Variants in LPIN1 observed in about 807,000 individuals in gnomAD.
LPIN1 encodes lipin 1, also known as phosphatidate phosphatase LPIN1.
A neutral mutation model predicts 107.5 loss-of-function variants in LPIN1; 71 were observed. The ratio of observed to expected loss-of-function variants is 0.66; its 90% CI spans 0.55 to 0.80. LPIN1 has a LOEUF of 0.80. LPIN1 is among the 30% of genes least tolerant of loss of function. The probability of loss-of-function intolerance (pLI) is 0.00; values close to 1 mark genes in which losing one functional copy is unlikely to be tolerated. For synonymous variants in LPIN1, 445 were observed against 452.6 expected (o/e 0.98, Z 0.21); for missense variants, 1,043 against 1,160.6 (o/e 0.90, Z 1.47).
chr2:11,771,458 G>C lies in LPIN1; in HGVS notation c.375G>C (p.Val125=). The change falls in exon 4 of 21, where the codon GTG becomes GTC. Residue 125 remains valine (V), a synonymous_variant. Transcript: ENST00000674199. The surrounding 1 kb of genome is among the most constrained non-coding windows in gnomAD (Gnocchi z 4.8). The stretch of plus-strand genomic sequence containing the variant: ...AATGCCAGCTGAAAAGGGGCTCTGT[G>C]GACAGGATGAGAGGCCTGGACCCCA... ...RMECQLKRGS[V]DRMRGLDPST... is the part of the protein sequence containing the mutation. The C allele has an allele frequency of 6.2e-7, 1 of 1,614,244 alleles. No individual in the cohort carries two copies. Among genetic ancestry groups the C allele is most frequent in the Non-Finnish European group, 8.5e-7 (1 of 1,180,042 alleles).
At chr2:11,800,779 C>G (rs1227027026) in intron 14 of LPIN1, among the ~76,000 whole-genome samples, 1 of 152,116 alleles carries the variant, frequency 6.6e-6, no homozygotes, top group African/African-American at 2.4e-5. Context: ...TAAAGACAAT[C>G]CTGGTACTTC....
At chr2:11,702,414 T>G (rs1381690407) in intron 1 of LPIN1, among the ~76,000 whole-genome samples, 1 of 152,150 alleles carries the variant, frequency 6.6e-6, no homozygotes, top group African/African-American at 2.4e-5. Context: ...GTCTGGGCTC[T>G]GGACTGGTTG....
intron 1 of LPIN1, among the ~76,000 whole-genome samples, chr2:11,700,150 C>G (rs1364371853): frequency 6.6e-6 from 1 of 152,170 alleles, no homozygotes; most frequent in South Asian, 2.1e-4. Flanking sequence ...TAGCCATCCA[C>G]GTGTCAGGTG....
At chr2:11,777,763 T>C (rs1005607266) in intron 6 of LPIN1, among the ~76,000 whole-genome samples, 2 of 152,222 alleles carry the variant, frequency 1.3e-5, no homozygotes, top group Admixed American at 6.5e-5. Flanking sequence ...CTTTATTTCA[T>C]TTAGTGACAG....
At position 11,707,763 on chromosome 2, in the gene LPIN1, T is replaced by C. The variant is rs547827246; in HGVS notation, c.82-5993T>C. Among the ~76,000 whole-genome samples the C allele has an allele frequency of 1.6e-4, 25 of 152,284 alleles. No homozygotes were observed. In the South Asian group the frequency reaches 5.2e-3, roughly 32 times the overall value. ...GCTGGGGCCTGTCCCAACCAAGCGC[T>C]GCTGCTTCTGTGAGCACCACAGGTG... On this transcript the variant is annotated intron_variant, in intron 1 of 21. Coordinates refer to the LPIN1 transcript ENST00000449576. The surrounding 1 kb of genome is among the most constrained non-coding windows in gnomAD (Gnocchi z 4.2).
chr2:11,761,993 A>G (rs1669910266), intron 1 of LPIN1, among the ~76,000 whole-genome samples: 2 of 152,036 alleles, frequency 1.3e-5, no homozygotes, highest in Admixed American at 1.3e-4. Context: ...ATCAGATTCC[A>G]CAGGTTAAGG....
chr2:11,782,215 C>G lies in LPIN1; in HGVS notation c.972C>G (p.His324Gln). ...CTTTGCTCTAGTCTTCTTCTCCACACAAGATGAAAGAGTCCAGCCCATTGA... is the reference window on the plus strand; with the variant it reads ...CTTTGCTCTAGTCTTCTTCTCCACAGAAGATGAAAGAGTCCAGCCCATTGA... ...LPQAAKSSSP[H>Q]KMKESSPLSS... The change falls in exon 8 of 21, where the codon CAC (histidine) becomes CAG (glutamine). Residue 324 changes from histidine (H) to glutamine (Q), a missense_variant. Coordinates refer to ENST00000674199, the MANE Select transcript of LPIN1 (RefSeq NM_001349206.2). The G allele has an allele frequency of 6.2e-7, 1 of 1,613,794 alleles. No individual in the cohort carries two copies. The highest frequency in any genetic ancestry group is 1.3e-5 in the African/African-American group (1 of 75,020).
At chr2:11,824,555 C>G in intron 20 of LPIN1, 77 bp from the exon 21 acceptor site, 1 of 1,491,734 alleles carries the variant, frequency 6.7e-7, no homozygotes, top group Non-Finnish European at 9.4e-7. Flanking sequence ...TTGTAGATCT[C>G]TCTTGACTTC....
At chr2:11,760,651 G>C (rs951792757) in intron 1 of LPIN1, among the ~76,000 whole-genome samples, 4 of 152,110 alleles carry the variant, frequency 2.6e-5, no homozygotes, top group African/African-American at 4.8e-5. Flanking sequence ...GCTTCGGCTC[G>C]GCATCAGAGG....
chr2:11,773,137 T>G (rs1158553604), intron 4 of LPIN1, among the ~76,000 whole-genome samples: 1 of 152,246 alleles, frequency 6.6e-6, no homozygotes, highest in East Asian at 1.9e-4. Flanking sequence ...TTTGCAGTTA[T>G]TCTGTAATCG....
rs4640359 is a variant in LPIN1, at chr2:11,713,838, G to A, written c.138+26G>A. On this transcript the variant is annotated intron_variant, in intron 2 of 21. Transcript: ENST00000449576. ...GTGAGTGCCGCTGTGATAGAATGTC[G>A]TTGTTATGCTTTTACATTTTAAGAT... The A allele has an allele frequency of 0.21, 299,425 of 1,434,026 alleles. 32,933 individuals are homozygous for A. Among genetic ancestry groups the A allele is most frequent in the Admixed American group, 0.26 (12,940 of 49,424 alleles). The allele number at this position is 1,434,026 out of a possible 1,614,324, so 88.8% of individuals were successfully genotyped here.
chr2:11,752,621 C>T (rs1351233903), intron 1 of LPIN1, among the ~76,000 whole-genome samples: 2 of 150,410 alleles, frequency 1.3e-5, no homozygotes, highest in Non-Finnish European at 2.9e-5. Flanking sequence ...TTAGTAGAGA[C>T]GGGGTTTCAC....
intron 1 of LPIN1, among the ~76,000 whole-genome samples, chr2:11,738,687 CCAAA>C (rs1666037780): frequency 6.6e-6 from 1 of 152,118 alleles, no homozygotes; most frequent in South Asian, 2.1e-4. Context: ...GAGAGGGAGC[CCAAA>C]CAGAGCCTGA....
intron 1 of LPIN1, among the ~76,000 whole-genome samples, chr2:11,763,987 G>GTGTGTATATA (rs1359205019): frequency 7.5e-6 from 1 of 132,926 alleles, no homozygotes; most frequent in African/African-American, 3.1e-5. Flanking sequence ...GTGTGTGTGT[G>GTGTGTATATA]TATATATATA....
chr2:11,732,046 G>A (rs1665290210), intron 1 of LPIN1, among the ~76,000 whole-genome samples: 2 of 152,130 alleles, frequency 1.3e-5, no homozygotes, highest in Non-Finnish European at 2.9e-5. Flanking sequence ...TCTGATGTTA[G>A]TTTCTTTTGC....
chr2:11,774,009 A>T lies in LPIN1; in HGVS notation c.722+264A>T, dbSNP rs1672284809. 6.6e-6 allele frequency among the ~76,000 whole-genome samples: 1 copy of T among 152,226 alleles called. No homozygotes were observed. Among genetic ancestry groups the T allele is most frequent in the Non-Finnish European group, 1.5e-5 (1 of 68,042 alleles). ...TTGAAAGGAAAAACATGTAAATTAC[A>T]TCATGCTAATTGTTAATAGGAGAAA... is the stretch of plus-strand genomic sequence containing the variant. On this transcript the variant is annotated intron_variant, in intron 5 of 20. Coordinates refer to ENST00000674199, the MANE Select transcript of LPIN1 (RefSeq NM_001349206.2). This position sits in a 1 kb window ranked among gnomAD's most constrained non-coding sequence, Gnocchi z 4.4.
chr2:11,783,389 G>A (rs1287672880), intron 8 of LPIN1, among the ~76,000 whole-genome samples: 2 of 152,198 alleles, frequency 1.3e-5, no homozygotes, highest in Non-Finnish European at 2.9e-5. Flanking sequence ...GGCTCAGCAA[G>A]TTAACTAACT....
intron 1 of LPIN1, among the ~76,000 whole-genome samples, chr2:11,684,180 C>T (rs1422744098): frequency 2.0e-5 from 3 of 152,164 alleles, no homozygotes; most frequent in African/African-American, 7.2e-5. Context: ...CCCCACCCTT[C>T]CCAGTGCCAA....
At chr2:11,791,646 TG>T in intron 12 of LPIN1, 67 of 1,238,464 alleles carry the variant, frequency 5.4e-5, no homozygotes, top group South Asian at 9.1e-5. Context: ...TTTCTTTTTT[TG>T]TTGTTGTTGT....
Sources: gnomAD v4.1 joint callset for allele counts (sites outside exome capture counted in the v4.1 genomes callset) on GRCh38, gnomAD v4.1.1 for gene constraint, Gnocchi (gnomAD v3.1) non-coding constraint, MANE v1.5 for transcripts, NCBI Gene and HGNC (gene_info 2026-07-23, HGNC 2026-07-21) for gene names.